The following CCDC171 variants were observed in gnomAD, a reference collection of about 807,000 sequenced individuals.
CCDC171 encodes coiled-coil domain-containing protein 171.
A neutral mutation model predicts 168.2 loss-of-function variants in CCDC171; 177 were observed. The observed-to-expected ratio is 1.05, with a 90% CI of 0.93 to 1.19. The LOEUF (loss-of-function observed/expected upper bound fraction) is 1.19. Ranked by LOEUF, CCDC171 falls within the 50% of genes most tolerant of loss-of-function variation. The probability of loss-of-function intolerance (pLI) is 0.00; values close to 1 mark genes in which losing one functional copy is unlikely to be tolerated. For synonymous variants in CCDC171, 687 were observed against 540.8 expected (o/e 1.27, Z -3.75); for missense variants, 1,991 against 1,539.0 (o/e 1.29, Z -4.91).
intron 2 of CCDC171, among the ~76,000 whole-genome samples, chr9:15,570,595 G>A (rs1479519873): frequency 2.0e-5 from 3 of 152,098 alleles, no homozygotes; most frequent in Non-Finnish European, 4.4e-5. Context: ...TTGTGTTTGT[G>A]GCATGCTCTG....
intron 21 of CCDC171, among the ~76,000 whole-genome samples, chr9:15,792,125 T>G (rs927584663): frequency 6.6e-6 from 1 of 152,206 alleles, no homozygotes; most frequent in Non-Finnish European, 1.5e-5. Context: ...GAGAAGTCCT[T>G]AAATGACCTG....
chr9:15,583,276 G>A (rs532110664), intron 4 of CCDC171, among the ~76,000 whole-genome samples: 1 of 152,208 alleles, frequency 6.6e-6, no homozygotes, highest in Non-Finnish European at 1.5e-5. Flanking sequence ...TTAGCTGGGT[G>A]TGGTGGCGCA....
At chr9:15,699,837 C>A (rs181697526) in intron 11 of CCDC171, among the ~76,000 whole-genome samples, 2 of 152,218 alleles carry the variant, frequency 1.3e-5, no homozygotes, top group Non-Finnish European at 2.9e-5. Context: ...CATTTACAAA[C>A]CCTGAGCTAG....
At chr9:16,076,594 C>T in the CCDC171 span, among the ~76,000 whole-genome samples, 2 of 152,220 alleles carry the variant, frequency 1.3e-5, no homozygotes, top group Non-Finnish European at 2.9e-5. Context: ...CTTCAGCTCT[C>T]TCCGCCCCAC....
chr9:15,671,479 G>A (rs1040987351), intron 9 of CCDC171, among the ~76,000 whole-genome samples: 1 of 151,986 alleles, frequency 6.6e-6, no homozygotes, highest in Admixed American at 6.6e-5. Context: ...CTTCACATTA[G>A]GTCTTTCTCC....
At chr9:15,798,352 A>T (rs992249000) in intron 21 of CCDC171, among the ~76,000 whole-genome samples, 1 of 152,136 alleles carries the variant, frequency 6.6e-6, no homozygotes, top group African/African-American at 2.4e-5. Flanking sequence ...CATTTCAAAA[A>T]ACATAAGCTT....
chr9:15,612,550 T>C (rs186642789), intron 6 of CCDC171, among the ~76,000 whole-genome samples: 9 of 152,208 alleles, frequency 5.9e-5, no homozygotes, highest in African/African-American at 2.2e-4. Flanking sequence ...CATCTCATAT[T>C]TGAATTCTGG....
At chr9:15,715,264 T>G (rs1329968213) in intron 11 of CCDC171, among the ~76,000 whole-genome samples, 2 of 152,242 alleles carry the variant, frequency 1.3e-5, no homozygotes, top group African/African-American at 4.8e-5. Context: ...TTTCCATATG[T>G]TAGAAAAGTT....
the CCDC171 span, among the ~76,000 whole-genome samples, chr9:16,104,935 G>T: frequency 6.6e-6 from 1 of 152,110 alleles, no homozygotes; most frequent in African/African-American, 2.4e-5. Flanking sequence ...GGTACCAGCA[G>T]ACCATCTCAT....
chr9:15,713,647 A>G (rs1318417129), intron 11 of CCDC171, among the ~76,000 whole-genome samples: 1 of 152,114 alleles, frequency 6.6e-6, no homozygotes, highest in Non-Finnish European at 1.5e-5. Context: ...AAAGGAGAAT[A>G]GTTATCTGTA....
At chr9:16,078,284 C>T in the CCDC171 span, among the ~76,000 whole-genome samples, 1 of 152,238 alleles carries the variant, frequency 6.6e-6, no homozygotes, top group South Asian at 2.1e-4. Context: ...ATCTAGAGGG[C>T]AGAGCAGGAA....
chr9:15,855,955 C>G (rs181067826), intron 23 of CCDC171, among the ~76,000 whole-genome samples: 4 of 151,920 alleles, frequency 2.6e-5, no homozygotes, highest in Admixed American at 2.6e-4. Context: ...AGTTACAAAC[C>G]AAACATACAT....
intron 25 of CCDC171, among the ~76,000 whole-genome samples, chr9:15,927,014 T>G (rs181671199): frequency 6.6e-5 from 10 of 151,770 alleles, no homozygotes; most frequent in Admixed American, 2.0e-4. Flanking sequence ...TCCAGCCATT[T>G]CACCAGATAC....
intron 3 of CCDC171, among the ~76,000 whole-genome samples, chr9:16,018,181 C>T (rs1833077652): frequency 6.6e-6 from 1 of 152,060 alleles, no homozygotes; most frequent in South Asian, 2.1e-4. Context: ...TGCTTGTTAG[C>T]CTATTAGATG....
intron 25 of CCDC171, among the ~76,000 whole-genome samples, chr9:15,953,070 A>G (rs1378015796): frequency 6.6e-6 from 1 of 152,036 alleles, no homozygotes; most frequent in Non-Finnish European, 1.5e-5. Context: ...TATTTCTTAC[A>G]GTATTTTGTG....
At chr9:15,627,782 A>T (rs2045293041) in intron 7 of CCDC171, among the ~76,000 whole-genome samples, 1 of 152,184 alleles carries the variant, frequency 6.6e-6, no homozygotes, top group South Asian at 2.1e-4. Flanking sequence ...TGCTGAGAAG[A>T]ATGTATATTC....
chr9:15,726,806 C>G (rs1190928936), intron 14 of CCDC171, among the ~76,000 whole-genome samples: 1 of 151,930 alleles, frequency 6.6e-6, no homozygotes, highest in Non-Finnish European at 1.5e-5. Context: ...TAAAAGTTTT[C>G]TTCCTGCTGA....
upstream of CCDC171, among the ~76,000 whole-genome samples, chr9:16,041,815 A>G (rs1229309119): frequency 6.6e-6 from 1 of 152,194 alleles, no homozygotes; most frequent in Admixed American, 6.5e-5. Flanking sequence ...GAAAAGTTGA[A>G]TGACCAACCT....
chr9:16,077,849 GC>G, the CCDC171 span, among the ~76,000 whole-genome samples: 1 of 152,196 alleles, frequency 6.6e-6, no homozygotes, highest in African/African-American at 2.4e-5. Context: ...AGAGGTTGAT[GC>G]CTAAGAAGTG....
Sources: allele counts gnomAD v4.1 joint callset (sites outside exome capture counted in the v4.1 genomes callset), GRCh38; gene constraint gnomAD v4.1.1; transcripts MANE v1.5; gene names NCBI Gene and HGNC (gene_info 2026-07-23, HGNC 2026-07-21).